TAFA5: variants seen among roughly 807,000 people sequenced by gnomAD.
TAFA5 encodes the protein TAFA chemokine like family member 5.
TAFA5 carries 6 observed loss-of-function variants against 15.3 expected under a neutral mutation model. The observed-to-expected ratio is 0.39, with a 90% CI of 0.21 to 0.77. The LOEUF (loss-of-function observed/expected upper bound fraction) is 0.77. Ranked by LOEUF, TAFA5 falls within the 30% of genes least tolerant of loss-of-function variation. TAFA5 has a pLI of 0.41. For missense variants in TAFA5, 161 were observed against 193.1 expected (o/e 0.83, Z 0.98); for synonymous variants, 103 against 80.7 (o/e 1.28, Z -1.48).
At chr22:48,730,998 C>T (rs1175551848) in intron 3 of TAFA5, among the ~76,000 whole-genome samples, 4 of 152,184 alleles carry the variant, frequency 2.6e-5, no homozygotes, top group African/African-American at 7.2e-5. Context: ...TGCTAGGCCT[C>T]TCGCACCAGT....
At chr22:48,608,011 G>C (rs145204928) in intron 1 of TAFA5, among the ~76,000 whole-genome samples, 1 of 122,556 alleles carries the variant, frequency 8.2e-6, no homozygotes, top group Non-Finnish European at 1.8e-5. Flanking sequence ...GGGGAACGTG[G>C]AGGGAATTCT....
At chr22:48,689,011 AG>A (rs386419830) in intron 2 of TAFA5, among the ~76,000 whole-genome samples, 2,647 of 91,892 alleles carry the variant, frequency 0.029, 99 homozygotes, top group African/African-American at 0.15. Context: ...AAAAAAAAAA[AG>A]AGAGAGAAAA....
chr22:48,630,552 G>A (rs1234826024), intron 1 of TAFA5, among the ~76,000 whole-genome samples: 1 of 152,170 alleles, frequency 6.6e-6, no homozygotes, highest in Non-Finnish European at 1.5e-5. Flanking sequence ...AGGTGGCCAC[G>A]CCTTCTTACT....
intron 2 of TAFA5, among the ~76,000 whole-genome samples, chr22:48,675,798 C>T (rs1292870312): frequency 2.0e-5 from 3 of 152,274 alleles, no homozygotes; most frequent in Non-Finnish European, 2.9e-5. Context: ...CCCTGTCCTC[C>T]CCAGTCTCCA....
At chr22:48,669,445 C>T (rs949246295) in intron 2 of TAFA5, among the ~76,000 whole-genome samples, 2 of 152,240 alleles carry the variant, frequency 1.3e-5, no homozygotes, top group African/African-American at 4.8e-5. Flanking sequence ...TCTAGAAGGT[C>T]AGGTGCCCAT....
intron 1 of TAFA5, among the ~76,000 whole-genome samples, chr22:48,499,983 A>T (rs1920943700): frequency 6.6e-6 from 1 of 152,114 alleles, no homozygotes; most frequent in South Asian, 2.1e-4. Context: ...TTGTATCCTC[A>T]GACTCCATGT....
chr22:48,703,517 AG>A (rs1488541031), intron 2 of TAFA5, among the ~76,000 whole-genome samples: 1 of 152,212 alleles, frequency 6.6e-6, no homozygotes, highest in African/African-American at 2.4e-5. Flanking sequence ...TCAGCCCCAC[AG>A]TCCCAGTGAG....
chr22:48,563,816 T>C (rs1046203985), intron 1 of TAFA5, among the ~76,000 whole-genome samples: 3 of 152,180 alleles, frequency 2.0e-5, no homozygotes, highest in African/African-American at 7.2e-5. Context: ...CAGCGTCGAC[T>C]CCACCCTACT....
chr22:48,600,264 C>T (rs371082467), intron 1 of TAFA5, among the ~76,000 whole-genome samples: 7 of 152,164 alleles, frequency 4.6e-5, no homozygotes, highest in East Asian at 1.9e-4. Context: ...GGACGAGGGG[C>T]GTCCCCGGGG....
At chr22:48,632,192 C>T (rs756588224) in intron 1 of TAFA5, among the ~76,000 whole-genome samples, 4 of 152,184 alleles carry the variant, frequency 2.6e-5, no homozygotes, top group Non-Finnish European at 5.9e-5. Flanking sequence ...TCCCGGCCAC[C>T]GTCCTCAACC....
At chr22:48,597,922 C>T (rs994119856) in intron 1 of TAFA5, among the ~76,000 whole-genome samples, 12 of 152,204 alleles carry the variant, frequency 7.9e-5, no homozygotes, top group African/African-American at 2.4e-4. Context: ...TTGAGCGTGA[C>T]GCTGATGGCA....
At chr22:48,502,439 A>C (rs138183310) in intron 1 of TAFA5, among the ~76,000 whole-genome samples, 2 of 152,134 alleles carry the variant, frequency 1.3e-5, no homozygotes, top group South Asian at 2.1e-4. Flanking sequence ...AGGCTTTTGC[A>C]GCAGTTACAG....
chr22:48,637,730 G>A (rs559177087), intron 1 of TAFA5, among the ~76,000 whole-genome samples: 169 of 152,112 alleles, frequency 1.1e-3, no homozygotes, highest in Non-Finnish European at 1.2e-4. Context: ...CTGGGACGAG[G>A]CAGAGTAGAA....
At chr22:48,635,843 T>C (rs530767251) in intron 1 of TAFA5, among the ~76,000 whole-genome samples, 1 of 152,230 alleles carries the variant, frequency 6.6e-6, no homozygotes, top group East Asian at 1.9e-4. Flanking sequence ...GCCCCAGTCA[T>C]TGTTGTAATC....
chr22:48,704,204 A>G (rs558476910), intron 2 of TAFA5, among the ~76,000 whole-genome samples: 843 of 75,268 alleles, frequency 0.011, 7 homozygotes, highest in African/African-American at 0.051. Context: ...ACACGCGCAC[A>G]CACACACACA....
chr22:48,734,064 A>G (rs6010465), intron 3 of TAFA5, among the ~76,000 whole-genome samples: 1,626 of 152,274 alleles, frequency 0.011, 26 homozygotes, highest in African/African-American at 0.037. Context: ...GTACACAAAA[A>G]CCGTTGCTGC....
At chr22:48,639,237 C>G (rs1306945226) in intron 1 of TAFA5, among the ~76,000 whole-genome samples, 1 of 152,186 alleles carries the variant, frequency 6.6e-6, no homozygotes, top group Non-Finnish European at 1.5e-5. Flanking sequence ...CCGGGCCCCA[C>G]CTTCCCAGTG....
chr22:48,669,366 C>T (rs1464174385), intron 2 of TAFA5, among the ~76,000 whole-genome samples: 2 of 152,240 alleles, frequency 1.3e-5, no homozygotes, highest in Non-Finnish European at 1.5e-5. Context: ...GCAAAAGGAG[C>T]CCTTGGCCCC....
intron 1 of TAFA5, among the ~76,000 whole-genome samples, chr22:48,563,312 AC>A: frequency 6.6e-6 from 1 of 151,716 alleles, no homozygotes. Context: ...CCATGACTGT[AC>A]CCACCCCACA....
Sources: allele counts gnomAD v4.1 joint callset (sites outside exome capture counted in the v4.1 genomes callset), GRCh38; gene constraint gnomAD v4.1.1; transcripts MANE v1.5; gene names NCBI Gene and HGNC (gene_info 2026-07-23, HGNC 2026-07-21).